Variants in FGD4 observed in about 807,000 individuals in gnomAD.
FGD4 encodes FYVE, RhoGEF and PH domain-containing protein 4.
A neutral mutation model predicts 102.0 loss-of-function variants in FGD4; 42 were observed. The observed-to-expected ratio is 0.41, with a 90% CI of 0.32 to 0.53. FGD4 has a LOEUF of 0.53. Among genes scored for constraint, FGD4 ranks in the 20% least tolerant of loss-of-function variants. FGD4 has a pLI of 0.21. For synonymous variants in FGD4, 380 were observed against 375.7 expected (o/e 1.01, Z -0.13); for missense variants, 902 against 1,078.2 (o/e 0.84, Z 2.29).
intron 10 of FGD4, among the ~76,000 whole-genome samples, chr12:32,612,930 A>G (rs1039268159): frequency 3.9e-5 from 6 of 151,938 alleles, no homozygotes; most frequent in Admixed American, 3.9e-4. Context: ...TTTTCTTTGG[A>G]TTCTGTCCAC....
At chr12:32,449,022 T>G (rs1942698685) in intron 1 of FGD4, among the ~76,000 whole-genome samples, 1 of 152,206 alleles carries the variant, frequency 6.6e-6, no homozygotes, top group African/African-American at 2.4e-5. Flanking sequence ...GTATTAACAT[T>G]TATAGACTGA....
At chr12:32,447,822 A>T (rs1393674748) in intron 1 of FGD4, among the ~76,000 whole-genome samples, 2 of 152,252 alleles carry the variant, frequency 1.3e-5, no homozygotes, top group African/African-American at 2.4e-5. Flanking sequence ...TGATTTGTTC[A>T]CTTGAGTCCT....
In FGD4 at chr12:32,601,299, G is replaced by A. The variant is rs1323669543; in HGVS notation, c.1123G>A (p.Glu375Lys). The A allele has an allele frequency of 1.9e-6, 3 of 1,614,082 alleles. No homozygotes were observed. Among genetic ancestry groups the A allele is most frequent in the South Asian group, 2.2e-5 (2 of 91,070 alleles). ...LDQVFYCKLL[E>K]EANRGSFPAE... ...TCAGGTATTTTATTGCAAACTGTTG[G>A]AAGAAGCAAACCGAGGCTCGTTTCC... The change falls in exon 6 of 17, where the codon GAA becomes AAA. Residue 375 changes from glutamate to lysine, a missense_variant. Coordinates refer to ENST00000534526, the MANE Select transcript of FGD4 (RefSeq NM_001370298.3).
chr12:32,510,341 A>G (rs547779097), intron 1 of FGD4, among the ~76,000 whole-genome samples: 1 of 152,246 alleles, frequency 6.6e-6, no homozygotes, highest in Non-Finnish European at 1.5e-5. Context: ...ATGAAATGTT[A>G]AATGTATATA....
chr12:32,631,686 AG>A (rs1480320239), intron 14 of FGD4, among the ~76,000 whole-genome samples: 1 of 151,774 alleles, frequency 6.6e-6, no homozygotes, highest in Non-Finnish European at 1.5e-5. Flanking sequence ...TTGTATTTTT[AG>A]TAGAGACGGG....
rs189677193 is a variant in FGD4, at chr12:32,481,998, T to C, written c.166+82039T>C. 9.5e-4 allele frequency among the ~76,000 whole-genome samples: 145 copies of C among 152,314 alleles called. 1 individual carries two copies. Among genetic ancestry groups the C allele is most frequent in the African/African-American group, 3.4e-3 (143 of 41,558 alleles). Reference sequence around the variant, plus strand: ...CTTTAAATAAAACCCTCTATAGTAGTGCCAGTTGTCACATGTCTTGGTACC... The same window carrying C: ...CTTTAAATAAAACCCTCTATAGTAGCGCCAGTTGTCACATGTCTTGGTACC... On this transcript the variant is annotated intron_variant, in intron 1 of 16. Coordinates refer to ENST00000534526, the MANE Select transcript of FGD4 (RefSeq NM_001370298.3).
At chr12:32,640,134 G>C in intron 16 of FGD4, 142 bp from the exon 17 acceptor site, 1 of 1,236,320 alleles carries the variant, frequency 8.1e-7, no homozygotes, top group Non-Finnish European at 1.2e-6. Flanking sequence ...CTAAGCAATG[G>C]GATTGCCCTC....
At chr12:32,535,904 A>ACAGCACCCTTT (rs1942207226) in intron 1 of FGD4, among the ~76,000 whole-genome samples, 2 of 152,154 alleles carry the variant, frequency 1.3e-5, no homozygotes, top group South Asian at 4.1e-4. Flanking sequence ...GCTTTAATGG[A>ACAGCACCCTTT]CAGCACCCTT....
At chr12:32,438,040 C>T (rs144849905) in intron 1 of FGD4, among the ~76,000 whole-genome samples, 50 of 152,288 alleles carry the variant, frequency 3.3e-4, no homozygotes, top group Non-Finnish European at 6.3e-4. Flanking sequence ...TACAGGCATA[C>T]GCCATCATGT....
chr12:32,614,281 T>A (rs1343047687), intron 10 of FGD4, among the ~76,000 whole-genome samples: 1 of 152,180 alleles, frequency 6.6e-6, no homozygotes, highest in Non-Finnish European at 1.5e-5. Flanking sequence ...TTCTAAAGCA[T>A]TTCTACAATA....
chr12:32,405,749 T>C (rs1201632416), intron 1 of FGD4, among the ~76,000 whole-genome samples: 1 of 151,998 alleles, frequency 6.6e-6, no homozygotes, highest in Non-Finnish European at 1.5e-5. Flanking sequence ...TGATTGGGGG[T>C]CTGCCTGAGG....
At chr12:32,592,645 T>G (rs972705493) in intron 4 of FGD4, among the ~76,000 whole-genome samples, 2 of 152,166 alleles carry the variant, frequency 1.3e-5, no homozygotes, top group East Asian at 1.9e-4. Context: ...ATTTTAAGAC[T>G]ACTTTATTAT....
chr12:32,533,771 T>G (rs1942007618), intron 1 of FGD4, among the ~76,000 whole-genome samples: 1 of 152,238 alleles, frequency 6.6e-6, no homozygotes, highest in Non-Finnish European at 1.5e-5. Context: ...AAATTACTAA[T>G]GTACTTATAA....
intron 2 of FGD4, among the ~76,000 whole-genome samples, chr12:32,568,753 T>A (rs1292066434): frequency 6.6e-6 from 1 of 152,240 alleles, no homozygotes; most frequent in African/African-American, 2.4e-5. Context: ...AGTGTAATGT[T>A]ATAATGCATT....
chr12:32,533,391 G>A (rs1370329213), intron 1 of FGD4, among the ~76,000 whole-genome samples: 1 of 152,094 alleles, frequency 6.6e-6, no homozygotes, highest in Non-Finnish European at 1.5e-5. Flanking sequence ...AACTCATTAT[G>A]ATTTTATAAA....
At chr12:32,401,452 G>C (rs1024010755) in intron 1 of FGD4, among the ~76,000 whole-genome samples, 4 of 151,984 alleles carry the variant, frequency 2.6e-5, no homozygotes, top group African/African-American at 9.7e-5. Flanking sequence ...TAGATACGGG[G>C]GTTTCACCAT....
intron 1 of FGD4, among the ~76,000 whole-genome samples, chr12:32,525,684 A>G (rs1442838871): frequency 1.3e-5 from 2 of 152,194 alleles, no homozygotes. Context: ...GAGAGGCACG[A>G]GCGGGAACCG....
chr12:32,608,325 G>C (rs577531804), intron 8 of FGD4, among the ~76,000 whole-genome samples: 1 of 152,320 alleles, frequency 6.6e-6, no homozygotes, highest in African/African-American at 2.4e-5. Flanking sequence ...TTCCATGTTA[G>C]TCACTGGCTC....
intron 1 of FGD4, among the ~76,000 whole-genome samples, chr12:32,562,598 G>A (rs1220732690): frequency 1.3e-5 from 2 of 152,188 alleles, no homozygotes; most frequent in African/African-American, 2.4e-5. Flanking sequence ...CTTGAGATTA[G>A]GGAGTGGTGA....
Sources: gnomAD v4.1 joint callset for allele counts (sites outside exome capture counted in the v4.1 genomes callset) on GRCh38, gnomAD v4.1.1 for gene constraint, MANE v1.5 for transcripts, NCBI Gene and HGNC (gene_info 2026-07-23, HGNC 2026-07-21) for gene names.